Variants in UBR3 observed in about 807,000 individuals in gnomAD.
UBR3 encodes ubiquitin protein ligase E3 component n-recognin 3.
UBR3 carries 85 observed loss-of-function variants against 243.2 expected under a neutral mutation model. The ratio of observed to expected loss-of-function variants is 0.35; its 90% CI spans 0.29 to 0.42. The LOEUF (loss-of-function observed/expected upper bound fraction) is 0.42, where lower values mean the gene tolerates loss of function less well. Ranked by LOEUF, UBR3 falls within the 10% of genes least tolerant of loss-of-function variation. The pLI, the probability that UBR3 is intolerant of heterozygous loss-of-function variation, is 1.00. For missense variants in UBR3, 1,686 were observed against 2,300.8 expected (o/e 0.73, Z 5.47); for synonymous variants, 748 against 799.8 (o/e 0.94, Z 1.09).
intron 24 of UBR3, among the ~76,000 whole-genome samples, chr2:169,966,323 AAAG>A (rs1271261318): frequency 6.6e-6 from 1 of 152,220 alleles, no homozygotes; most frequent in Admixed American, 6.5e-5. Flanking sequence ...GGTACTTAAT[AAAG>A]AATAAGAATT....
chr2:169,906,557 A>G (rs1370969961), intron 10 of UBR3, among the ~76,000 whole-genome samples: 1 of 151,786 alleles, frequency 6.6e-6, no homozygotes, highest in African/African-American at 2.4e-5. Context: ...GTATATTATA[A>G]TATATAATAT....
intron 28 of UBR3, among the ~76,000 whole-genome samples, chr2:170,008,333 AT>A (rs1470152473): frequency 6.6e-6 from 1 of 152,224 alleles, no homozygotes. Flanking sequence ...TCATCTGGCA[AT>A]TCCCTTTCTC....
At chr2:169,932,813 G>T in intron 18 of UBR3, 99 bp from the exon 19 acceptor site, 2 of 1,017,134 alleles carry the variant, frequency 2.0e-6, no homozygotes, top group Non-Finnish European at 2.9e-6. Context: ...AAATTGTTCT[G>T]TGTTTTAAAT....
intron 1 of UBR3, among the ~76,000 whole-genome samples, chr2:169,843,166 C>T (rs1161204510): frequency 2.0e-5 from 3 of 152,188 alleles, no homozygotes; most frequent in Non-Finnish European, 2.9e-5. Context: ...ATCATTTCTT[C>T]GTATCAATTT....
intron 31 of UBR3, among the ~76,000 whole-genome samples, chr2:170,032,949 G>A (rs1423548317): frequency 1.3e-5 from 2 of 152,018 alleles, no homozygotes; most frequent in Non-Finnish European, 2.9e-5. Flanking sequence ...CTTTGTGTGT[G>A]TATTTTGTGT....
intron 35 of UBR3, among the ~76,000 whole-genome samples, chr2:170,062,015 G>A (rs2091467983): frequency 6.6e-6 from 1 of 152,126 alleles, no homozygotes; most frequent in African/African-American, 2.4e-5. Context: ...TAGGACCATA[G>A]GATTCAGTCT....
chr2:170,077,663 G>A (rs780582914), intron 36 of UBR3: 1 of 395,078 alleles, frequency 2.5e-6, no homozygotes, highest in Non-Finnish European at 4.5e-6. Context: ...TTGGCTTACT[G>A]CAACCTCAGC....
At chr2:169,834,657 C>T (rs541444121) in intron 1 of UBR3, among the ~76,000 whole-genome samples, 28 of 152,198 alleles carry the variant, frequency 1.8e-4, no homozygotes, top group Non-Finnish European at 2.9e-4. Context: ...CTTTTTCGTC[C>T]CAGCCAGGAC....
intron 5 of UBR3, among the ~76,000 whole-genome samples, chr2:169,890,834 C>G (rs538441785): frequency 6.7e-6 from 1 of 149,596 alleles, no homozygotes; most frequent in Non-Finnish European, 1.5e-5. Context: ...AATAATCTCT[C>G]TCATTCCACC....
intron 30 of UBR3, among the ~76,000 whole-genome samples, chr2:170,026,882 T>C (rs894333697): frequency 6.6e-6 from 1 of 152,114 alleles, no homozygotes; most frequent in Non-Finnish European, 1.5e-5. Flanking sequence ...TTAATATTCA[T>C]CTGGTATAAG....
intron 5 of UBR3, among the ~76,000 whole-genome samples, chr2:169,884,275 C>G (rs2084006416): frequency 6.6e-6 from 1 of 151,788 alleles, no homozygotes; most frequent in Admixed American, 6.6e-5. Flanking sequence ...GCCTCAGCCT[C>G]CCGAGTAGCT....
chr2:169,856,329 G>C lies in UBR3; in HGVS notation c.546-15907G>C, dbSNP rs545481450. Among the ~76,000 whole-genome samples, 831 of 151,558 alleles carry C rather than the reference G, an allele frequency of 5.5e-3. 9 individuals carry two copies. Among genetic ancestry groups the C allele is most frequent in the African/African-American group, 0.019 (784 of 41,272 alleles). ...CTAGACGGGATGATGGCCGGGAAGA[G>C]GCACTCCTCACTTCCCAGACTGGGC... is the stretch of plus-strand genomic sequence containing the variant. On this transcript the variant is annotated intron_variant, in intron 1 of 38. Coordinates refer to ENST00000272793, the MANE Select transcript of UBR3 (RefSeq NM_172070.4).
intron 26 of UBR3, among the ~76,000 whole-genome samples, chr2:169,997,469 T>C (rs1217973048): frequency 2.6e-5 from 4 of 152,014 alleles, no homozygotes; most frequent in African/African-American, 4.8e-5. Flanking sequence ...CAGCTTCTGC[T>C]TGGGGAGTGC....
At chr2:169,845,517 TCGTC>T (rs1280852204) in intron 1 of UBR3, among the ~76,000 whole-genome samples, 2 of 148,154 alleles carry the variant, frequency 1.3e-5, no homozygotes, top group African/African-American at 5.0e-5. Context: ...GTCGTCGTCG[TCGTC>T]GTCGTCGTCG....
rs972728976 is a variant in UBR3, at chr2:169,828,108, G to A, written c.545+56G>A. 2.2e-6 allele frequency: 3 copies of A among 1,346,034 alleles called. No individual in the cohort carries two copies. The African/African-American group carries it at 4.6e-5, about 21-fold the overall frequency. The allele number at this position is 1,346,034 out of a possible 1,614,324, so 83.4% of individuals were successfully genotyped here. A position where few individuals can be genotyped will look rare whatever the true frequency, so the allele number is the denominator to read the frequency against. On this transcript the variant is annotated intron_variant, in intron 1 of 38. Transcript: ENST00000272793. ...ACCCTGGGCCGGGGACGTCGCGGGA[G>A]GGCCTGGAGCGGAGCACTGGGAGCC...
At position 169,848,559 on chromosome 2, in the gene UBR3, T is replaced by A. The variant is rs191861346; in HGVS notation, c.545+20507T>A. ...AGGGCAGTTACCTAAGTGAACTTTC[T>A]TTCATATATGTGCTCCCAGAAAGTC... is the stretch of plus-strand genomic sequence containing the variant. On this transcript the variant is annotated intron_variant, in intron 1 of 38. Coordinates refer to ENST00000272793, the MANE Select transcript of UBR3 (RefSeq NM_172070.4). 4.6e-5 allele frequency among the ~76,000 whole-genome samples: 7 copies of A among 152,168 alleles called. No homozygotes were observed. The East Asian group carries it at 1.4e-3, about 29-fold the overall frequency.
At chr2:170,078,079 GTTTC>G in intron 36 of UBR3, 2 of 658,268 alleles carry the variant, frequency 3.0e-6, no homozygotes, top group Non-Finnish European at 2.8e-6. Context: ...TTTGTCTGGT[GTTTC>G]TCTTTTCATG....
In UBR3 at chr2:170,057,128, T is replaced by C. The variant is rs58095513; in HGVS notation, c.4785+1544T>C. ...TATCTTTAGTTTTTTCTTTTTTTTT[T>C]TTTTTTTGAGACAGGGTCTCATTGT... is the stretch of plus-strand genomic sequence containing the variant. On this transcript the variant is annotated intron_variant, in intron 33 of 38. Coordinates refer to ENST00000272793, the MANE Select transcript of UBR3 (RefSeq NM_172070.4). 7.0e-3 allele frequency among the ~76,000 whole-genome samples: 1,046 copies of C among 150,046 alleles called. 11 individuals are homozygous for C. The highest frequency in any genetic ancestry group is 0.024 in the African/African-American group (977 of 40,710).
intron 10 of UBR3, among the ~76,000 whole-genome samples, chr2:169,912,967 G>A (rs1257016364): frequency 6.6e-6 from 1 of 151,988 alleles, no homozygotes; most frequent in South Asian, 2.1e-4. Context: ...AAATTTTTTC[G>A]CAGAGACAGA....
Sources: allele counts gnomAD v4.1 joint callset (sites outside exome capture counted in the v4.1 genomes callset), GRCh38; gene constraint gnomAD v4.1.1; transcripts MANE v1.5; gene names NCBI Gene and HGNC (gene_info 2026-07-23, HGNC 2026-07-21).